Variants in FSTL4 observed in about 807,000 individuals in gnomAD.
FSTL4 encodes the protein follistatin like 4.
A neutral mutation model predicts 78.2 loss-of-function variants in FSTL4; 28 were observed. That is an observed-to-expected ratio of 0.36 (90% confidence interval 0.27 to 0.49). FSTL4 has a LOEUF of 0.49. FSTL4 is among the 20% of genes least tolerant of loss of function. FSTL4 has a pLI of 0.98. For missense variants in FSTL4, 922 were observed against 1,084.9 expected, an observed-to-expected ratio of 0.85 and a Z score of 2.11; for synonymous variants, 422 against 440.5, an observed-to-expected ratio of 0.96 and a Z score of 0.53.
chr5:133,421,729 A>T (rs1756701080), intron 3 of FSTL4, among the ~76,000 whole-genome samples: 1 of 152,220 alleles, frequency 6.6e-6, no homozygotes, highest in Non-Finnish European at 1.5e-5. Context: ...GGACACAAAG[A>T]TTGGCAGCAA....
chr5:133,779,527 A>T, the FSTL4 span, among the ~76,000 whole-genome samples: 2 of 152,104 alleles, frequency 1.3e-5, no homozygotes, highest in Non-Finnish European at 2.9e-5. Flanking sequence ...CGGAGGTTGC[A>T]GTGAGCCGAG....
At chr5:133,263,865 C>T (rs556728963) in intron 6 of FSTL4, among the ~76,000 whole-genome samples, 1 of 152,194 alleles carries the variant, frequency 6.6e-6, no homozygotes, top group East Asian at 1.9e-4. Flanking sequence ...GGGCACGGAG[C>T]CTGAGTGGGG....
At chr5:133,471,801 G>T (rs1757831146) in intron 3 of FSTL4, among the ~76,000 whole-genome samples, 1 of 152,178 alleles carries the variant, frequency 6.6e-6, no homozygotes, top group Non-Finnish European at 1.5e-5. Flanking sequence ...GACACTGCTT[G>T]CTTAAAGATG....
intron 3 of FSTL4, among the ~76,000 whole-genome samples, chr5:133,405,843 A>T (rs989389955): frequency 6.6e-6 from 1 of 152,200 alleles, no homozygotes; most frequent in Non-Finnish European, 1.5e-5. Context: ...TGTCTACCCT[A>T]AGATGGGGTG....
intron 4 of FSTL4, among the ~76,000 whole-genome samples, chr5:133,331,904 A>G (rs940446716): frequency 6.6e-6 from 1 of 152,176 alleles, no homozygotes; most frequent in African/African-American, 2.4e-5. Flanking sequence ...CGGGAAACTT[A>G]TCAAAATGTG....
At chr5:133,738,607 C>T in the FSTL4 span, among the ~76,000 whole-genome samples, 5 of 152,138 alleles carry the variant, frequency 3.3e-5, no homozygotes, top group African/African-American at 1.2e-4. Flanking sequence ...TGTGGCCTCT[C>T]TAGGTAGTAA....
chr5:133,223,454 C>G (rs74677279), intron 11 of FSTL4, among the ~76,000 whole-genome samples: 2,070 of 152,298 alleles, frequency 0.014, 55 homozygotes, highest in African/African-American at 0.047. Context: ...ATGGTACCTC[C>G]TGCTGCTGCC....
At chr5:133,324,718 G>A (rs992084663) in intron 4 of FSTL4, among the ~76,000 whole-genome samples, 6 of 152,232 alleles carry the variant, frequency 3.9e-5, no homozygotes, top group African/African-American at 1.4e-4. Context: ...CGGTATGACT[G>A]TGGAAGACAG....
In FSTL4 at chr5:133,485,292, G is replaced by A. The variant is rs1758109460; in HGVS notation, c.160+81894C>T. ...AGTTCACATTCACAGCCAGCTCTTG[G>A]GAGCAGATGCTGAAGAATATCTGCC... On this transcript the variant is annotated intron_variant, in intron 3 of 15. Coordinates refer to ENST00000265342, the MANE Select transcript of FSTL4 (RefSeq NM_015082.2). Among the ~76,000 whole-genome samples, 3 of 152,154 alleles carry A rather than the reference G, an allele frequency of 2.0e-5. No homozygotes were observed. The South Asian group carries it at 6.2e-4, about 32-fold the overall frequency.
intron 3 of FSTL4, among the ~76,000 whole-genome samples, chr5:133,546,505 C>CAAAAAAAA (rs71581365): frequency 1.3e-5 from 1 of 75,418 alleles, no homozygotes; most frequent in Non-Finnish European, 2.8e-5. Context: ...GACTTTGTCT[C>CAAAAAAAA]AAAAAAAAAA....
the FSTL4 span, among the ~76,000 whole-genome samples, chr5:133,685,273 G>C: frequency 1.3e-5 from 2 of 152,208 alleles, no homozygotes; most frequent in Non-Finnish European, 2.9e-5. Flanking sequence ...TCTTTGAGAT[G>C]ACAAACCCTT....
At chr5:133,686,419 T>A in the FSTL4 span, among the ~76,000 whole-genome samples, 1 of 152,258 alleles carries the variant, frequency 6.6e-6, no homozygotes, top group Non-Finnish European at 1.5e-5. Flanking sequence ...TCACATTGTG[T>A]CTGGCACATG....
intron 3 of FSTL4, among the ~76,000 whole-genome samples, chr5:133,470,951 G>C (rs1466519305): frequency 6.6e-6 from 1 of 151,918 alleles, no homozygotes. Context: ...TGATACAGGA[G>C]GTCTCACATG....
chr5:133,310,408 C>T (rs1176158850), intron 6 of FSTL4, among the ~76,000 whole-genome samples: 1 of 152,160 alleles, frequency 6.6e-6, no homozygotes, highest in Non-Finnish European at 1.5e-5. Flanking sequence ...GTAATGACGT[C>T]CTTCCCTTTC....
At chr5:133,528,455 T>C (rs1467837201) in intron 3 of FSTL4, among the ~76,000 whole-genome samples, 1 of 152,162 alleles carries the variant, frequency 6.6e-6, no homozygotes, top group Non-Finnish European at 1.5e-5. Flanking sequence ...TTAGATGCCC[T>C]GTCCTTGGGA....
the FSTL4 span, among the ~76,000 whole-genome samples, chr5:133,618,039 G>A: frequency 1.3e-5 from 2 of 152,190 alleles, no homozygotes; most frequent in Non-Finnish European, 2.9e-5. Flanking sequence ...ACGGGGATAT[G>A]TTCCAAGACA....
chr5:133,369,069 T>C (rs10071021), intron 4 of FSTL4, among the ~76,000 whole-genome samples: 53,743 of 151,970 alleles, frequency 0.35, 11,962 homozygotes, highest in African/African-American at 0.63. Flanking sequence ...GCCTCAGGGA[T>C]GGACTTCCAA....
chr5:133,595,289 G>A (rs1396246907), intron 2 of FSTL4, among the ~76,000 whole-genome samples: 1 of 152,220 alleles, frequency 6.6e-6, no homozygotes, highest in African/African-American at 2.4e-5. Flanking sequence ...AAACTGATGG[G>A]ATTCTATCAG....
Position 133,225,905 on chromosome 5 carries a change from AG to A in FSTL4, c.1016-87del, listed in dbSNP as rs139592950. The stretch of plus-strand genomic sequence containing the variant: ...GGCCCAACCTGAGACCCTGCTCCAG[AG>A]GGGGTGAACCCAAGTAGGTGACTGG... On this transcript the variant is annotated intron_variant, in intron 8 of 15. Coordinates refer to ENST00000265342, the MANE Select transcript of FSTL4 (RefSeq NM_015082.2). This position sits in a 1 kb window ranked among gnomAD's most constrained non-coding sequence, Gnocchi z 4.6. The A allele has an allele frequency of 4.9e-3, 5,495 of 1,116,122 alleles. 182 individuals carry two copies. In the African/African-American group the frequency reaches 0.073, roughly 15 times the overall value. The allele number at this position is 1,116,122 out of a possible 1,614,324, so 69.1% of individuals were successfully genotyped here.
Sources: gnomAD v4.1 joint callset for allele counts (sites outside exome capture counted in the v4.1 genomes callset) on GRCh38, gnomAD v4.1.1 for gene constraint, Gnocchi (gnomAD v3.1) non-coding constraint, MANE v1.5 for transcripts, NCBI Gene and HGNC (gene_info 2026-07-23, HGNC 2026-07-21) for gene names.